NEGR1: variants seen among roughly 807,000 people sequenced by gnomAD.
The protein encoded by NEGR1 is neuronal growth regulator 1.
NEGR1 carries 10 observed loss-of-function variants against 40.9 expected under a neutral mutation model. The ratio of observed to expected loss-of-function variants is 0.24; its 90% CI spans 0.15 to 0.42. NEGR1 has a LOEUF of 0.42. Among genes scored for constraint, NEGR1 ranks in the 10% least tolerant of loss-of-function variants. NEGR1 has a pLI of 1.00. For synonymous variants in NEGR1, 185 were observed against 166.8 expected, an observed-to-expected ratio of 1.11 and a Z score of -0.84; for missense variants, 352 against 438.9, an observed-to-expected ratio of 0.80 and a Z score of 1.77.
intron 3 of NEGR1, among the ~76,000 whole-genome samples, chr1:71,725,979 C>A (rs545209313): frequency 6.6e-6 from 1 of 152,072 alleles, no homozygotes; most frequent in African/African-American, 2.4e-5. Context: ...AAAATGCCAT[C>A]CTCAACAAGT....
At chr1:72,164,505 C>A (rs542973483) in intron 1 of NEGR1, among the ~76,000 whole-genome samples, 1 of 152,018 alleles carries the variant, frequency 6.6e-6, no homozygotes, top group East Asian at 1.9e-4. Context: ...AAATAATATC[C>A]AATCTTTATT....
intron 6 of NEGR1, among the ~76,000 whole-genome samples, chr1:71,427,268 G>A (rs1055675787): frequency 6.6e-6 from 1 of 152,174 alleles, no homozygotes; most frequent in African/African-American, 2.4e-5. Context: ...AGACAAACCT[G>A]TGATCCAGAT....
rs570224882 is a variant in NEGR1, at chr1:71,526,781, A to G, written c.940+66036T>C. Among the ~76,000 whole-genome samples the G allele has an allele frequency of 6.9e-4, 105 of 151,680 alleles. No individual in the cohort carries two copies. The Middle Eastern group carries it at 0.01, about 15-fold the overall frequency. The stretch of plus-strand genomic sequence containing the variant: ...CCTTGATCCTGACTCTCAGAGTTAC[A>G]TAGGAAGCCTAATAATCAGCCTATG... On this transcript the variant is annotated intron_variant, in intron 6 of 6. Coordinates refer to ENST00000357731, the MANE Select transcript of NEGR1 (RefSeq NM_173808.3).
At chr1:72,059,546 A>G (rs1164344751) in intron 1 of NEGR1, among the ~76,000 whole-genome samples, 1 of 151,536 alleles carries the variant, frequency 6.6e-6, no homozygotes, top group Non-Finnish European at 1.5e-5. Context: ...TGCACTGTTG[A>G]TTTTAACTAG....
At chr1:72,217,218 T>C (rs1653851267) in intron 1 of NEGR1, among the ~76,000 whole-genome samples, 1 of 151,820 alleles carries the variant, frequency 6.6e-6, no homozygotes, top group Non-Finnish European at 1.5e-5. Context: ...CCTTTGTTTA[T>C]AACAACAGAA....
At chr1:71,629,459 G>A (rs531403268) in intron 4 of NEGR1, among the ~76,000 whole-genome samples, 1 of 151,998 alleles carries the variant, frequency 6.6e-6, no homozygotes, top group South Asian at 2.1e-4. Flanking sequence ...TCCCTTGTAA[G>A]TTGTATTCCT....
chr1:71,817,196 T>C (rs112580502), intron 2 of NEGR1, among the ~76,000 whole-genome samples: 1 of 152,078 alleles, frequency 6.6e-6, no homozygotes, highest in Non-Finnish European at 1.5e-5. Context: ...AAAGACTTGC[T>C]CATGCAGCTT....
chr1:71,626,370 C>G (rs1650778423), intron 4 of NEGR1, among the ~76,000 whole-genome samples: 1 of 122,320 alleles, frequency 8.2e-6, no homozygotes, highest in African/African-American at 3.0e-5. Context: ...CCTCCCCCGA[C>G]CCCACAACAG....
chr1:71,431,562 T>TCA (rs1557523685), intron 6 of NEGR1, among the ~76,000 whole-genome samples: 2,090 of 132,456 alleles, frequency 0.016, 48 homozygotes, highest in African/African-American at 0.059. Flanking sequence ...ATCCATCTGT[T>TCA]TATCCATTCA....
intron 2 of NEGR1, among the ~76,000 whole-genome samples, chr1:71,883,179 T>C (rs75039014): frequency 0.017 from 2,611 of 152,236 alleles, 37 homozygotes; most frequent in Admixed American, 0.031. Context: ...ACCACTATTA[T>C]AAGATTTATT....
chr1:71,526,468 C>G (rs1647218270), intron 6 of NEGR1, among the ~76,000 whole-genome samples: 1 of 151,292 alleles, frequency 6.6e-6, no homozygotes. Context: ...TTCCAAACAA[C>G]AGGATAAAGT....
chr1:71,727,475 C>T (rs1654711604), intron 3 of NEGR1, among the ~76,000 whole-genome samples: 1 of 152,086 alleles, frequency 6.6e-6, no homozygotes, highest in Non-Finnish European at 1.5e-5. Context: ...TAAAATATGT[C>T]AATAATCCAT....
intron 6 of NEGR1, among the ~76,000 whole-genome samples, chr1:71,589,581 A>C (rs1305447665): frequency 6.6e-6 from 1 of 152,036 alleles, no homozygotes; most frequent in Non-Finnish European, 1.5e-5. Context: ...TTCTTTTCTT[A>C]TGTACTTATT....
chr1:71,747,104 A>G (rs1008019607), intron 3 of NEGR1, among the ~76,000 whole-genome samples: 12 of 152,302 alleles, frequency 7.9e-5, no homozygotes, highest in African/African-American at 2.6e-4. Context: ...TATTTCCTCT[A>G]GTGAATAGTA....
intron 1 of NEGR1, among the ~76,000 whole-genome samples, chr1:72,130,472 G>A (rs1375768905): frequency 5.3e-5 from 8 of 152,134 alleles, no homozygotes; most frequent in Admixed American, 4.6e-4. Flanking sequence ...GGAAGCTGAA[G>A]CCCTCTGTAT....
At chr1:71,911,232 T>A (rs1239334595) in intron 2 of NEGR1, among the ~76,000 whole-genome samples, 1 of 152,186 alleles carries the variant, frequency 6.6e-6, no homozygotes, top group African/African-American at 2.4e-5. Context: ...TTTAATTGTA[T>A]TGAGGCTTAA....
At chr1:71,617,681 T>G (rs992530984) in intron 4 of NEGR1, among the ~76,000 whole-genome samples, 41 of 152,192 alleles carry the variant, frequency 2.7e-4, no homozygotes, top group Admixed American at 1.8e-3. Context: ...CTGGAAAATG[T>G]TACCTGAACT....
At chr1:71,759,162 C>T (rs935624273) in intron 3 of NEGR1, among the ~76,000 whole-genome samples, 1 of 152,006 alleles carries the variant, frequency 6.6e-6, no homozygotes, top group Non-Finnish European at 1.5e-5. Context: ...CCTAATGTTC[C>T]TTCCGGATAC....
intron 6 of NEGR1, among the ~76,000 whole-genome samples, chr1:71,437,928 G>T (rs1383244119): frequency 6.6e-6 from 1 of 152,164 alleles, no homozygotes; most frequent in Non-Finnish European, 1.5e-5. Context: ...AAGCAACACT[G>T]CCTTTTAGTG....
Sources: allele counts gnomAD v4.1 joint callset (sites outside exome capture counted in the v4.1 genomes callset), GRCh38; gene constraint gnomAD v4.1.1; transcripts MANE v1.5; gene names NCBI Gene and HGNC (gene_info 2026-07-23, HGNC 2026-07-21).